Variants in KIF6 observed in about 807,000 individuals in gnomAD.
KIF6 encodes the protein kinesin family member 6.
A neutral mutation model predicts 112.7 loss-of-function variants in KIF6; 106 were observed. The observed-to-expected ratio is 0.94, with a 90% CI of 0.80 to 1.11. KIF6 has a LOEUF of 1.11. Ranked by LOEUF, KIF6 falls within the 50% of genes least tolerant of loss-of-function variation. The probability of loss-of-function intolerance (pLI) is 0.00; values close to 1 mark genes in which losing one functional copy is unlikely to be tolerated. For synonymous variants in KIF6, 339 were observed against 339.9 expected (o/e 1.00, Z 0.03); for missense variants, 929 against 964.0 (o/e 0.96, Z 0.48).
At chr6:39,690,223 C>A (rs1239540161) in intron 3 of KIF6, 1 of 151,792 alleles carries the variant, frequency 6.6e-6, no homozygotes, top group Non-Finnish European at 1.5e-5. Flanking sequence ...TAAAACTTCC[C>A]GAAGGGAGTT....
chr6:39,384,346 C>A (rs1254171083), intron 16 of KIF6, among the ~76,000 whole-genome samples: 1 of 152,214 alleles, frequency 6.6e-6, no homozygotes, highest in Non-Finnish European at 1.5e-5. Context: ...AGAGGTCATT[C>A]TGCCTTCCCA....
At chr6:39,611,108 C>G (rs1783191024) in intron 6 of KIF6, among the ~76,000 whole-genome samples, 1 of 152,150 alleles carries the variant, frequency 6.6e-6, no homozygotes. Context: ...GAGTTCCAGA[C>G]CAGCCTGGCT....
chr6:39,698,740 T>C (rs774825965), intron 3 of KIF6, among the ~76,000 whole-genome samples: 1 of 152,230 alleles, frequency 6.6e-6, no homozygotes, highest in Admixed American at 6.5e-5. Context: ...ATTTTACAAC[T>C]GTTTTAGCTT....
At chr6:39,662,547 T>A (rs1786215180) in intron 3 of KIF6, among the ~76,000 whole-genome samples, 1 of 152,166 alleles carries the variant, frequency 6.6e-6, no homozygotes, top group South Asian at 2.1e-4. Context: ...GATTTGTAGG[T>A]TGAAGTAGGT....
At chr6:39,357,230 G>T (rs777920571) in intron 19 of KIF6, 47 bp downstream of exon 19, 2 of 1,192,682 alleles carry the variant, frequency 1.7e-6, no homozygotes, top group South Asian at 2.6e-5. Flanking sequence ...GAAAGGTAGG[G>T]AGCCTTTTCT....
intron 15 of KIF6, among the ~76,000 whole-genome samples, chr6:39,406,156 G>C (rs1400169562): frequency 6.6e-6 from 1 of 152,072 alleles, no homozygotes; most frequent in African/African-American, 2.4e-5. Flanking sequence ...AGTAGCTGGG[G>C]ATTACAGGGG....
intron 13 of KIF6, among the ~76,000 whole-genome samples, chr6:39,451,102 T>C (rs1163942516): frequency 6.6e-6 from 1 of 152,212 alleles, no homozygotes; most frequent in Non-Finnish European, 1.5e-5. Context: ...CCGAGTGTCT[T>C]GGTGCATTAA....
At chr6:39,490,054 G>A (rs542598411) in intron 13 of KIF6, among the ~76,000 whole-genome samples, 2 of 152,290 alleles carry the variant, frequency 1.3e-5, no homozygotes, top group Admixed American at 1.3e-4. Flanking sequence ...ATCTTTCCAA[G>A]GATATTAATA....
intron 15 of KIF6, among the ~76,000 whole-genome samples, chr6:39,410,484 T>C (rs945946398): frequency 1.3e-5 from 2 of 152,162 alleles, no homozygotes; most frequent in East Asian, 3.8e-4. Context: ...AATTGAACAA[T>C]ATAAAAAACA....
intron 13 of KIF6, among the ~76,000 whole-genome samples, chr6:39,503,154 G>A (rs549069074): frequency 6.6e-6 from 1 of 152,250 alleles, no homozygotes; most frequent in East Asian, 1.9e-4. Context: ...TCAGACCACA[G>A]CACAATCAAA....
At chr6:39,521,121 T>C (rs966013746) in intron 13 of KIF6, among the ~76,000 whole-genome samples, 20 of 152,150 alleles carry the variant, frequency 1.3e-4, no homozygotes, top group Admixed American at 7.9e-4. Context: ...AACTCCAGGG[T>C]GAAGGCAGAT....
intron 13 of KIF6, among the ~76,000 whole-genome samples, chr6:39,502,530 A>T (rs902768718): frequency 6.6e-6 from 1 of 152,236 alleles, no homozygotes; most frequent in Non-Finnish European, 1.5e-5. Flanking sequence ...AAATGCCCCA[A>T]TTAAAAGACA....
At chr6:39,493,339 G>A (rs558639542) in intron 13 of KIF6, among the ~76,000 whole-genome samples, 1 of 152,322 alleles carries the variant, frequency 6.6e-6, no homozygotes, top group East Asian at 1.9e-4. Flanking sequence ...AAGTGGTTAA[G>A]TGACCTGCCC....
intron 15 of KIF6, among the ~76,000 whole-genome samples, chr6:39,400,244 A>G (rs1452851385): frequency 6.6e-6 from 1 of 152,178 alleles, no homozygotes; most frequent in East Asian, 1.9e-4. Context: ...CTCCAGGAAC[A>G]AGGATGGGTG....
rs376673412 is a variant in KIF6, at chr6:39,703,218, C to G, written c.251+11474G>C. On this transcript the variant is annotated intron_variant, in intron 3 of 22. Coordinates refer to ENST00000287152, the MANE Select transcript of KIF6 (RefSeq NM_145027.6). Reference sequence around the variant, plus strand: ...GAAGACTGAACAAAGCCCACTGATTCAGTGACATGAACATCATTAGTGAAT... The same window carrying G: ...GAAGACTGAACAAAGCCCACTGATTGAGTGACATGAACATCATTAGTGAAT... Among the ~76,000 whole-genome samples, 563 of 152,014 alleles carry G rather than the reference C, an allele frequency of 3.7e-3. 3 individuals carry two copies. Among genetic ancestry groups the G allele is most frequent in the Middle Eastern group, 0.01 (3 of 294 alleles).
chr6:39,676,048 G>A (rs922427223), intron 3 of KIF6, among the ~76,000 whole-genome samples: 19 of 111,998 alleles, frequency 1.7e-4, no homozygotes, highest in Non-Finnish European at 3.2e-4. Flanking sequence ...AGAGAATGGA[G>A]GAAAGGAAAT....
chr6:39,561,019 T>C (rs1779979536), intron 10 of KIF6, among the ~76,000 whole-genome samples: 2 of 152,248 alleles, frequency 1.3e-5, no homozygotes, highest in South Asian at 4.1e-4. Flanking sequence ...CTCTGCATTA[T>C]GGAAGGCTGA....
chr6:39,574,175 C>T (rs1269698327), intron 10 of KIF6, among the ~76,000 whole-genome samples: 1 of 152,008 alleles, frequency 6.6e-6, no homozygotes, highest in African/African-American at 2.4e-5. Flanking sequence ...GACTGCTATG[C>T]CTTCTAAACA....
At chr6:39,445,261 G>A (rs1772237085) in intron 13 of KIF6, among the ~76,000 whole-genome samples, 1 of 152,124 alleles carries the variant, frequency 6.6e-6, no homozygotes, top group South Asian at 2.1e-4. Context: ...CTAATAATGT[G>A]GGCTTTGAGG....
Sources: gnomAD v4.1 joint callset for allele counts (sites outside exome capture counted in the v4.1 genomes callset) on GRCh38, gnomAD v4.1.1 for gene constraint, MANE v1.5 for transcripts, NCBI Gene and HGNC (gene_info 2026-07-23, HGNC 2026-07-21) for gene names.